CADPS2: variants seen among roughly 807,000 people sequenced by gnomAD.
CADPS2 encodes the protein calcium-dependent secretion activator 2.
Under a neutral mutation model 172.5 loss-of-function variants are expected in CADPS2, and 93 were observed. The observed-to-expected ratio is 0.54, with a 90% CI of 0.46 to 0.64. CADPS2 has a LOEUF of 0.64. Ranked by LOEUF, CADPS2 falls within the 30% of genes least tolerant of loss-of-function variation. The pLI, the probability that CADPS2 is intolerant of heterozygous loss-of-function variation, is 0.00. For synonymous variants in CADPS2, 546 were observed against 555.2 expected (o/e 0.98, Z 0.23); for missense variants, 1,420 against 1,565.9 (o/e 0.91, Z 1.57).
rs979916195 is a variant in CADPS2 at position 122,855,218 on chromosome 7, A to G, written c.339+30781T>C. Among the ~76,000 whole-genome samples, 7 of 152,220 alleles carry G rather than the reference A, an allele frequency of 4.6e-5. No individual in the cohort carries two copies. The East Asian group carries it at 1.3e-3, about 29-fold the overall frequency. ...TATAGTAGTAGTATTCATTAGCAGT[A>G]TTCTGCCTGGAAGCCAGTTCTTCCT... On this transcript the variant is annotated intron_variant, in intron 1 of 29. Coordinates refer to ENST00000449022, the MANE Select transcript of CADPS2 (RefSeq NM_017954.11).
intron 1 of CADPS2, among the ~76,000 whole-genome samples, chr7:122,885,245 C>T (rs1225961953): frequency 6.6e-6 from 1 of 152,176 alleles, no homozygotes; most frequent in Non-Finnish European, 1.5e-5. Context: ...AAACAAACTT[C>T]TTACCTTTTG....
chr7:122,410,259 G>C (rs921949646), intron 19 of CADPS2, among the ~76,000 whole-genome samples: 1 of 151,942 alleles, frequency 6.6e-6, no homozygotes, highest in Admixed American at 6.6e-5. Flanking sequence ...TAGGAGAATC[G>C]CTTGAACCCG....
At chr7:122,484,590 G>A (rs1471140645) in intron 11 of CADPS2, among the ~76,000 whole-genome samples, 1 of 151,204 alleles carries the variant, frequency 6.6e-6, no homozygotes, top group African/African-American at 2.4e-5. Context: ...GTTAGGCAAA[G>A]ATCCTTTAGT....
intron 3 of CADPS2, among the ~76,000 whole-genome samples, chr7:122,650,135 C>T (rs931089274): frequency 3.3e-5 from 5 of 151,302 alleles, no homozygotes; most frequent in Non-Finnish European, 7.4e-5. Flanking sequence ...GTCTGGAACT[C>T]CCGACCTCAA....
At chr7:122,485,299 T>C (rs559048384) in intron 11 of CADPS2, among the ~76,000 whole-genome samples, 19 of 152,336 alleles carry the variant, frequency 1.2e-4, no homozygotes, top group African/African-American at 4.6e-4. Flanking sequence ...GCGAGGCCTT[T>C]TGCACCAAGT....
At chr7:122,826,357 AAAC>A (rs1280097229) in intron 1 of CADPS2, among the ~76,000 whole-genome samples, 3 of 152,216 alleles carry the variant, frequency 2.0e-5, no homozygotes, top group Non-Finnish European at 4.4e-5. Flanking sequence ...CACAAAGTTT[AAAC>A]AACATCCCAA....
chr7:122,612,281 C>T (rs910651978), intron 6 of CADPS2, among the ~76,000 whole-genome samples: 1 of 151,814 alleles, frequency 6.6e-6, no homozygotes, highest in South Asian at 2.1e-4. Flanking sequence ...ATGACATGGT[C>T]TTGTACATAG....
chr7:122,764,852 C>A (rs1297779084), intron 1 of CADPS2, among the ~76,000 whole-genome samples: 1 of 152,186 alleles, frequency 6.6e-6, no homozygotes, highest in East Asian at 1.9e-4. Context: ...TTCCACCGAG[C>A]CATTTCAACT....
intron 9 of CADPS2, among the ~76,000 whole-genome samples, chr7:122,512,816 A>G (rs968905526): frequency 3.3e-5 from 5 of 152,144 alleles, no homozygotes; most frequent in African/African-American, 1.2e-4. Context: ...AGAGATCTCC[A>G]ATATCTTTTC....
At chr7:122,702,505 A>T in intron 2 of CADPS2, 1 of 1,613,648 alleles carries the variant, frequency 6.2e-7, no homozygotes. Context: ...AGGCATTCTG[A>T]TTCCATCCTT....
intron 1 of CADPS2, among the ~76,000 whole-genome samples, chr7:122,855,807 A>G (rs563681263): frequency 1.2e-3 from 189 of 152,324 alleles, no homozygotes; most frequent in African/African-American, 4.2e-3. Context: ...AAACATGGTC[A>G]AAATTAAATT....
intron 1 of CADPS2, among the ~76,000 whole-genome samples, chr7:122,861,502 C>T (rs1816930387): frequency 6.6e-6 from 1 of 152,256 alleles, no homozygotes; most frequent in Non-Finnish European, 1.5e-5. Context: ...GGATATTAAA[C>T]CCTTGTCAGA....
intron 9 of CADPS2, among the ~76,000 whole-genome samples, chr7:122,498,601 T>C (rs2130255885): frequency 6.6e-6 from 1 of 152,224 alleles, no homozygotes; most frequent in East Asian, 1.9e-4. Context: ...ATTAATTACA[T>C]GACAAATTTT....
intron 4 of CADPS2, among the ~76,000 whole-genome samples, chr7:122,627,967 A>C (rs956660962): frequency 6.6e-6 from 1 of 152,174 alleles, no homozygotes; most frequent in Non-Finnish European, 1.5e-5. Flanking sequence ...CCTTTCTAGA[A>C]ACCCAGAGGA....
At chr7:122,744,719 CCATTGCATGGTGG>C (rs2092647239) in intron 1 of CADPS2, among the ~76,000 whole-genome samples, 2 of 152,008 alleles carry the variant, frequency 1.3e-5, no homozygotes, top group South Asian at 4.2e-4. Flanking sequence ...CAGCAAACTC[CCATTGCATGGTGG>C]ACAAATGGAC....
In CADPS2 at chr7:122,377,769, CTTG is replaced by C. The variant is rs536739767; in HGVS notation, c.3387+1596_3387+1598del. 4.5e-4 allele frequency among the ~76,000 whole-genome samples: 69 copies of C among 152,100 alleles called. 1 individual carries two copies. In the South Asian group the frequency reaches 0.014, roughly 31 times the overall value. ...TATTATTTTTTTCTCTATCTATCCA[CTTG>C]TTGGTGAGTGTGTGAGGTATCTGTA... On this transcript the variant is annotated intron_variant, in intron 25 of 29. Transcript: ENST00000449022.
intron 4 of CADPS2, among the ~76,000 whole-genome samples, chr7:122,622,187 A>G (rs2134010119): frequency 6.6e-6 from 1 of 152,306 alleles, no homozygotes. Flanking sequence ...TTGGAAGAGT[A>G]TGCTTTTTCA....
At chr7:122,355,260 G>T (rs576143680) in intron 27 of CADPS2, among the ~76,000 whole-genome samples, 1 of 151,988 alleles carries the variant, frequency 6.6e-6, no homozygotes, top group Non-Finnish European at 1.5e-5. Flanking sequence ...TAATTTTCAC[G>T]TTATAGAATC....
chr7:122,870,840 T>C (rs1047431563), intron 1 of CADPS2, among the ~76,000 whole-genome samples: 9 of 152,092 alleles, frequency 5.9e-5, no homozygotes, highest in Non-Finnish European at 1.2e-4. Context: ...TCTGTTCAAA[T>C]ATTGCCTCAA....
Sources: gnomAD v4.1 joint callset for allele counts (sites outside exome capture counted in the v4.1 genomes callset) on GRCh38, gnomAD v4.1.1 for gene constraint, MANE v1.5 for transcripts, NCBI Gene and HGNC (gene_info 2026-07-23, HGNC 2026-07-21) for gene names.